The following NIN variants were observed in gnomAD, a reference collection of about 807,000 sequenced individuals.
NIN encodes glycogen synthase kinase 3 beta-interacting protein.
Under a neutral mutation model 257.6 loss-of-function variants are expected in NIN, and 137 were observed. The ratio of observed to expected loss-of-function variants is 0.53; its 90% CI spans 0.46 to 0.61. The LOEUF is 0.61. NIN is among the 20% of genes least tolerant of loss of function. The probability of loss-of-function intolerance (pLI) is 0.00; values close to 1 mark genes in which losing one functional copy is unlikely to be tolerated. For synonymous variants in NIN, 918 were observed against 919.8 expected, an observed-to-expected ratio of 1.00 and a Z score of 0.04; for missense variants, 2,439 against 2,501.2, an observed-to-expected ratio of 0.98 and a Z score of 0.53.
At chr14:50,735,395 T>C in intron 28 of NIN, 121 bp downstream of exon 28, 1 of 1,367,554 alleles carries the variant, frequency 7.3e-7, no homozygotes, top group Non-Finnish European at 9.7e-7. Flanking sequence ...GAATTCAACT[T>C]GGCAGTGTAC....
chr14:50,778,625 A>G (rs1301107585), intron 6 of NIN, 140 bp downstream of exon 6: 1 of 737,500 alleles, frequency 1.4e-6, no homozygotes, highest in African/African-American at 1.8e-5. Context: ...AAAGCTATCA[A>G]TTGGGAATAA....
At chr14:50,824,677 C>G (rs1021728957) in intron 2 of NIN, among the ~76,000 whole-genome samples, 6 of 152,314 alleles carry the variant, frequency 3.9e-5, no homozygotes, top group Admixed American at 1.3e-4. Flanking sequence ...TACAGTCAGT[C>G]TGTTCTTCAA....
intron 25 of NIN, among the ~76,000 whole-genome samples, chr14:50,739,965 CT>C (rs1287870175): frequency 6.6e-6 from 1 of 152,282 alleles, no homozygotes; most frequent in East Asian, 1.9e-4. Context: ...CAATCATATC[CT>C]TTTTTTAGAA....
At chr14:50,739,741 C>T (rs1189549687) in intron 25 of NIN, among the ~76,000 whole-genome samples, 1 of 152,222 alleles carries the variant, frequency 6.6e-6, no homozygotes, top group East Asian at 1.9e-4. Flanking sequence ...CATGCCATGT[C>T]CAATAATGAA....
At chr14:50,819,274 T>C (rs2045083471) in intron 3 of NIN, among the ~76,000 whole-genome samples, 1 of 152,194 alleles carries the variant, frequency 6.6e-6, no homozygotes, top group Non-Finnish European at 1.5e-5. Flanking sequence ...ATAAATAACT[T>C]GGACCCTGAT....
chr14:50,788,081 A>C (rs2043422169), intron 5 of NIN, among the ~76,000 whole-genome samples: 1 of 152,222 alleles, frequency 6.6e-6, no homozygotes, highest in Non-Finnish European at 1.5e-5. Flanking sequence ...TAAACATGTA[A>C]ACATGTAAAA....
chr14:50,799,547 T>C (rs891070407), intron 4 of NIN, among the ~76,000 whole-genome samples: 1 of 152,226 alleles, frequency 6.6e-6, no homozygotes, highest in Non-Finnish European at 1.5e-5. Context: ...TGCTCTGATC[T>C]TATTCTTGCC....
chr14:50,758,223 T>G lies in NIN; in HGVS notation c.2807A>C (p.Gln936Pro). 2 of 1,614,218 alleles carry G rather than the reference T, an allele frequency of 1.2e-6. No individual in the cohort carries two copies. The highest frequency in any genetic ancestry group is 2.2e-5 in the South Asian group (2 of 91,088). Reference sequence around the variant, plus strand: ...GTGACTGCTCTTCAGCTCAAGTATCTGGTCAGACAGCAGGCTTTGCTGGGT... The same window carrying G: ...GTGACTGCTCTTCAGCTCAAGTATCGGGTCAGACAGCAGGCTTTGCTGGGT... Reference protein sequence around the residue: ...SETQQSLLSDQILELKSSHKR... With the variant: ...SETQQSLLSDPILELKSSHKR... The change falls in exon 18 of 31, where the codon CAG becomes CCG. Residue 936 changes from glutamine (Q) to proline (P), a missense_variant. Gln to Pro is a moderately conservative substitution (Grantham distance 76). Around this residue, in one of 3 missense-constraint regions of NIN, gnomAD observed 2,043 missense variants for 2,050.2 expected, o/e 1.00. Coordinates refer to ENST00000530997, the MANE Select transcript of NIN (RefSeq NM_020921.4).
chr14:50,725,751 A>G, intron 30 of NIN: 1 of 857,870 alleles, frequency 1.2e-6, no homozygotes, highest in Non-Finnish European at 1.8e-6. Context: ...TGCCTTAAAC[A>G]GAGCTTTGGA....
intron 20 of NIN, among the ~76,000 whole-genome samples, chr14:50,754,262 C>G (rs955383579): frequency 6.6e-6 from 1 of 152,156 alleles, no homozygotes; most frequent in Non-Finnish European, 1.5e-5. Context: ...TGAAACTGCA[C>G]AAGGGCTACA....
chr14:50,770,303 G>A, intron 12 of NIN, 85 bp downstream of exon 12: 1 of 1,365,220 alleles, frequency 7.3e-7, no homozygotes, highest in South Asian at 1.4e-5. Context: ...TGAACCCTGT[G>A]CAAACATGCC....
chr14:50,771,419 A>G lies in NIN; in HGVS notation c.1031T>C (p.Leu344Pro). 1.2e-6 allele frequency: 2 copies of G among 1,614,198 alleles called. No individual in the cohort carries two copies. The highest frequency in any genetic ancestry group is 1.7e-6 in the Non-Finnish European group (2 of 1,180,022). ...AACCAAAAGTTCATTTTCAAGGGCC[A>G]GTGTTAATTCTGTCAAATTGATGTT... The part of the protein sequence containing the change: ...DGNINLTELT[L>P]ALENELLVTK... Residue 344 changes from leucine to proline, a missense_variant, in exon 10 of 31, where the codon CTG (leucine) becomes CCG (proline). By Grantham distance (98) the Leu-to-Pro change is moderately conservative. Transcript: ENST00000530997.
chr14:50,821,943 G>A lies in NIN; in HGVS notation c.114C>T (p.His38=). 1.2e-6 allele frequency: 2 copies of A among 1,614,134 alleles called. No individual in the cohort carries two copies. Among genetic ancestry groups the A allele is most frequent in the Non-Finnish European group, 1.7e-6 (2 of 1,180,026 alleles). Reference sequence around the variant, plus strand: ...GGGCCACCTCCTCCAAGCTCAACATGTGGCAAAGGTCGGTGAGTTCCTCCT... The same window carrying A: ...GGGCCACCTCCTCCAAGCTCAACATATGGCAAAGGTCGGTGAGTTCCTCCT... ...LGQEELTDLC[H]MLSLEEVAPV... The change falls in exon 3 of 31, where the codon CAC becomes CAT. Residue 38 remains histidine, a synonymous_variant. Transcript: ENST00000530997.
chr14:50,741,609 A>G lies in NIN; in HGVS notation c.5421T>C (p.His1807=). Residue 1807 remains histidine, a synonymous_variant, in exon 25 of 31, where the codon CAT becomes CAC. Coordinates refer to ENST00000530997, the MANE Select transcript of NIN (RefSeq NM_020921.4). Reference sequence around the variant, plus strand: ...TGCCACCAGCATTCTGAAGTTGCTTATGTAAAGACATCACTTCTTGTTTTA... The same window carrying G: ...TGCCACCAGCATTCTGAAGTTGCTTGTGTAAAGACATCACTTCTTGTTTTA... ...EALKQEVMSL[H]KQLQNAGGKS... 6.2e-7 allele frequency: 1 copy of G among 1,614,148 alleles called. No individual in the cohort carries two copies.
At chr14:50,824,352 T>C (rs1369592589) in intron 2 of NIN, among the ~76,000 whole-genome samples, 2 of 152,168 alleles carry the variant, frequency 1.3e-5, no homozygotes, top group African/African-American at 4.8e-5. Context: ...CTCTTTCATT[T>C]TATGGCAGCT....
At chr14:50,818,891 G>T (rs2045061887) in intron 3 of NIN, among the ~76,000 whole-genome samples, 1 of 34,018 alleles carries the variant, frequency 2.9e-5, no homozygotes, top group African/African-American at 8.1e-5. Flanking sequence ...TTAAACATTA[G>T]GCCTCAAAAA....
chr14:50,761,890 T>A lies in NIN; in HGVS notation c.1796A>T (p.Asn599Ile). The change falls in exon 16 of 31, where the codon AAT becomes ATT. Residue 599 changes from asparagine to isoleucine, a missense_variant. Around this residue, in one of 3 missense-constraint regions of NIN, gnomAD observed 2,043 missense variants for 2,050.2 expected, o/e 1.00. Coordinates refer to ENST00000530997, the MANE Select transcript of NIN (RefSeq NM_020921.4). ...TGCCTCAATGCTCATATTCAATGGA[T>A]TGCATTCTTCAGAACCGAGCCCTGA... ...PEHGLGSEEC[N>I]PLNMSIEAEL... The A allele has an allele frequency of 1.9e-6, 3 of 1,614,182 alleles. No individual in the cohort carries two copies. Among genetic ancestry groups the A allele is most frequent in the Non-Finnish European group, 1.7e-6 (2 of 1,180,020 alleles).
rs574759356 is a variant in NIN at position 50,806,674 on chromosome 14, C to T, written c.265+63G>A. The T allele has an allele frequency of 5.7e-6, 5 of 870,390 alleles. No homozygotes were observed. In the East Asian group the frequency reaches 1.3e-4, roughly 22 times the overall value. 53.9% of individuals were successfully genotyped at this position (870,390 alleles called of 1,614,324 possible). On this transcript the variant is annotated intron_variant, in intron 4 of 30. Coordinates refer to ENST00000530997, the MANE Select transcript of NIN (RefSeq NM_020921.4). Reference sequence around the variant, plus strand: ...TCCTTCATATACATGCTTCAAGGTCCCCAGATTCTTCCCCGGACAACTTTT... The same window carrying T: ...TCCTTCATATACATGCTTCAAGGTCTCCAGATTCTTCCCCGGACAACTTTT...
chr14:50,780,822 A>T (rs1292104848), intron 5 of NIN, among the ~76,000 whole-genome samples: 1 of 152,216 alleles, frequency 6.6e-6, no homozygotes, highest in African/African-American at 2.4e-5. Context: ...GGCATCAATG[A>T]AAAGTGAATT....
Sources: gnomAD v4.1 joint callset for allele counts (sites outside exome capture counted in the v4.1 genomes callset) on GRCh38, gnomAD v4.1.1 for gene constraint, gnomAD v4.1.1 regional missense constraint, MANE v1.5 for transcripts, NCBI Gene and HGNC (gene_info 2026-07-23, HGNC 2026-07-21) for gene names.